The following RAB1A variants were observed in gnomAD, a reference collection of about 807,000 sequenced individuals.
RAB1A encodes ras-related protein Rab-1A.
In RAB1A, 2 loss-of-function variants were observed where a neutral mutation model predicts 26.0. That is an observed-to-expected ratio of 0.08 (90% confidence interval 0.03 to 0.24). The LOEUF is 0.24. Among genes scored for constraint, RAB1A ranks in the 10% least tolerant of loss-of-function variants. RAB1A has a pLI of 1.00. For missense variants in RAB1A, 100 were observed against 247.0 expected, an observed-to-expected ratio of 0.40 and a Z score of 3.99; for synonymous variants, 84 against 84.9, an observed-to-expected ratio of 0.99 and a Z score of 0.06.
At chr2:65,090,417 CT>C (rs1003994724) in intron 4 of RAB1A, among the ~76,000 whole-genome samples, 5 of 152,208 alleles carry the variant, frequency 3.3e-5, no homozygotes, top group Non-Finnish European at 7.3e-5. Context: ...GTTATGGCCC[CT>C]GGATCACATG....
rs534198232 is a variant in RAB1A at position 65,096,272 on chromosome 2, G to A, written c.192+1699C>T. ...GGAGGTTGCAGTGAGCTCAAATCGC[G>A]CCACTGCACTCCAGCCTGGGAGACA... On this transcript the variant is annotated intron_variant, in intron 3 of 5. Coordinates refer to ENST00000409784, the MANE Select transcript of RAB1A (RefSeq NM_004161.5). 5.3e-5 allele frequency among the ~76,000 whole-genome samples: 8 copies of A among 151,100 alleles called. No individual in the cohort carries two copies. In the East Asian group the frequency reaches 7.8e-4, roughly 15 times the overall value.
rs11301138 is a variant in RAB1A, at chr2:65,094,584, CAA to C, written c.192+3385_192+3386del. ...GGGCAACAAGAGCGAAACTCCGTCT[CAA>C]AAAAAAAAAAAAAGAAAAAAGAAAA... On this transcript the variant is annotated intron_variant, in intron 3 of 5. Coordinates refer to ENST00000409784, the MANE Select transcript of RAB1A (RefSeq NM_004161.5). 1.9e-3 allele frequency among the ~76,000 whole-genome samples: 230 copies of C among 121,022 alleles called. 1 individual carries two copies. Among genetic ancestry groups the C allele is most frequent in the Middle Eastern group, 7.9e-3 (2 of 252 alleles). 79.4% of individuals were successfully genotyped at this position (121,022 alleles called of 152,430 possible). A position where few individuals can be genotyped will look rare whatever the true frequency, so the allele number is the denominator to read the frequency against.
At chr2:65,089,199 C>T in intron 4 of RAB1A, 129 bp from the exon 5 acceptor site, 2 of 909,480 alleles carry the variant, frequency 2.2e-6, no homozygotes, top group East Asian at 5.4e-5. Flanking sequence ...ACAAAATAAC[C>T]ACTGCTAAGG....
chr2:65,091,156 A>C, intron 3 of RAB1A, 78 bp from the exon 4 acceptor site: 1 of 1,125,694 alleles, frequency 8.9e-7, no homozygotes, highest in Non-Finnish European at 1.3e-6. Flanking sequence ...GAGGGGAAAT[A>C]GTTTAGTTTT....
intron 2 of RAB1A, among the ~76,000 whole-genome samples, chr2:65,099,486 A>T (rs1293904544): frequency 1.3e-5 from 2 of 152,256 alleles, no homozygotes; most frequent in Non-Finnish European, 2.9e-5. Flanking sequence ...ACCTTAATCG[A>T]ATCAGGTCTA....
chr2:65,127,021 T>C (rs1026842024), intron 1 of RAB1A, among the ~76,000 whole-genome samples: 1 of 152,224 alleles, frequency 6.6e-6, no homozygotes, highest in Non-Finnish European at 1.5e-5. Context: ...CTAACACTTT[T>C]GCAAAGGTTT....
In RAB1A at chr2:65,123,729, G is replaced by A. The variant is rs550721153; in HGVS notation, c.23+6164C>T. Among the ~76,000 whole-genome samples the A allele has an allele frequency of 2.0e-5, 3 of 152,006 alleles. No individual in the cohort carries two copies. The East Asian group carries it at 5.9e-4, about 30-fold the overall frequency. ...TACTCCCAGCTACTTGAGAGGCTGA[G>A]GTGGAAGAATCACTTAAACCTGGAA... On this transcript the variant is annotated intron_variant, in intron 1 of 5. Transcript: ENST00000409784.
chr2:65,128,146 A>G (rs943916789), intron 1 of RAB1A, among the ~76,000 whole-genome samples: 1 of 152,194 alleles, frequency 6.6e-6, no homozygotes, highest in Admixed American at 6.5e-5. Context: ...GGTTTTTCAA[A>G]TTCTTTTATA....
intron 1 of RAB1A, chr2:65,114,239 T>C (rs775445040): frequency 1.2e-5 from 4 of 341,896 alleles, no homozygotes; most frequent in East Asian, 7.4e-5. Flanking sequence ...AGAAAGCTGA[T>C]TGACATTAAC....
At chr2:65,128,025 C>T (rs1225472156) in intron 1 of RAB1A, among the ~76,000 whole-genome samples, 2 of 152,138 alleles carry the variant, frequency 1.3e-5, no homozygotes, top group Non-Finnish European at 2.9e-5. Flanking sequence ...TGAGCCACCG[C>T]GCCTGGCCTA....
intron 1 of RAB1A, 42 bp from the exon 2 acceptor site, chr2:65,104,848 T>G (rs1462899276): frequency 7.0e-7 from 1 of 1,434,678 alleles, no homozygotes; most frequent in Non-Finnish European, 9.8e-7. Context: ...AAAAGCACAC[T>G]GCATTGCTAT....
chr2:65,105,511 C>CAAAAAAAAAAAAAA (rs60594101), intron 1 of RAB1A: 2 of 33,028 alleles, frequency 6.1e-5, no homozygotes, highest in African/African-American at 2.0e-4. Context: ...AACTCTGTCT[C>CAAAAAAAAAAAAAA]AAAAAAAAAA....
intron 1 of RAB1A, among the ~76,000 whole-genome samples, chr2:65,122,275 G>A (rs1040142082): frequency 6.6e-6 from 1 of 151,334 alleles, no homozygotes; most frequent in Non-Finnish European, 1.5e-5. Context: ...TCAGCCAAGC[G>A]TGGGGCTCAT....
At chr2:65,119,623 C>T (rs968920022) in intron 1 of RAB1A, among the ~76,000 whole-genome samples, 6 of 150,260 alleles carry the variant, frequency 4.0e-5, no homozygotes, top group African/African-American at 1.5e-4. Context: ...TGAATCAAAT[C>T]ATATATAAAC....
At chr2:65,125,861 T>A (rs1336505656) in intron 1 of RAB1A, among the ~76,000 whole-genome samples, 1 of 143,850 alleles carries the variant, frequency 7.0e-6, no homozygotes, top group African/African-American at 2.6e-5. Context: ...CACTTTCAAT[T>A]GCCTTTTTTT....
intron 1 of RAB1A, among the ~76,000 whole-genome samples, chr2:65,117,589 T>C (rs779921983): frequency 1.1e-4 from 17 of 152,156 alleles, no homozygotes; most frequent in Admixed American, 2.0e-4. Flanking sequence ...GTGTGTGAGA[T>C]AGGCTCTCAC....
intron 3 of RAB1A, among the ~76,000 whole-genome samples, chr2:65,095,671 T>C (rs182240921): frequency 4.8e-4 from 73 of 151,778 alleles, no homozygotes; most frequent in Middle Eastern, 6.8e-3. Flanking sequence ...GCTGAAGTTA[T>C]GTGTAAAATG....
intron 3 of RAB1A, among the ~76,000 whole-genome samples, chr2:65,093,507 G>T (rs1448330995): frequency 1.3e-5 from 2 of 151,876 alleles, no homozygotes; most frequent in African/African-American, 4.8e-5. Flanking sequence ...GAAAGGAAAA[G>T]ATAATTAAAA....
Position 65,103,299 on chromosome 2 carries a change from C to CAAAAAA in RAB1A, c.96+1429_96+1434dup, listed in dbSNP as rs1201745425. The stretch of plus-strand genomic sequence containing the variant: ...TTGGCAACACAGCCAGAATCTGTCT[C>CAAAAAA]AAAAAAAAAAAAAAACATTGTTTTA... On this transcript the variant is annotated intron_variant, in intron 2 of 5. Coordinates refer to ENST00000409784, the MANE Select transcript of RAB1A (RefSeq NM_004161.5). Among the ~76,000 whole-genome samples, 295 of 44,074 alleles carry CAAAAAA rather than the reference C, an allele frequency of 6.7e-3. 8 individuals carry two copies. Among genetic ancestry groups the CAAAAAA allele is most frequent in the African/African-American group, 0.015 (192 of 12,932 alleles). 28.9% of individuals were successfully genotyped at this position (44,074 alleles called of 152,430 possible). A position where few individuals can be genotyped will look rare whatever the true frequency, so the allele number is the denominator to read the frequency against.
Sources: allele counts gnomAD v4.1 joint callset (sites outside exome capture counted in the v4.1 genomes callset), GRCh38; gene constraint gnomAD v4.1.1; transcripts MANE v1.5; gene names NCBI Gene and HGNC (gene_info 2026-07-23, HGNC 2026-07-21).